CDC42SE2: variants seen among roughly 807,000 people sequenced by gnomAD.
CDC42SE2 encodes the protein CDC42 small effector 2, also known as CDC42 small effector protein 2.
CDC42SE2 carries 3 observed loss-of-function variants against 11.5 expected under a neutral mutation model. The ratio of observed to expected loss-of-function variants is 0.26; its 90% CI spans 0.12 to 0.67. The LOEUF is 0.67. Ranked by LOEUF, CDC42SE2 falls within the 30% of genes least tolerant of loss-of-function variation. The pLI, the probability that CDC42SE2 is intolerant of heterozygous loss-of-function variation, is 0.80. For synonymous variants in CDC42SE2, 33 were observed against 34.8 expected, an observed-to-expected ratio of 0.95 and a Z score of 0.18; for missense variants, 82 against 106.8, an observed-to-expected ratio of 0.77 and a Z score of 1.02.
rs187946833 is a variant in CDC42SE2, at chr5:131,297,618, G to T, written c.-454-18358G>T. 5.7e-3 allele frequency among the ~76,000 whole-genome samples: 874 copies of T among 152,160 alleles called. 8 individuals carry two copies. Among genetic ancestry groups the T allele is most frequent in the African/African-American group, 0.02 (848 of 41,518 alleles). On this transcript the variant is annotated intron_variant, in intron 1 of 4. Transcript: ENST00000505065. Reference sequence around the variant, plus strand: ...GCCTGTAGTCCCAGCTACTTGGGAGGCTGAGGCAGGAGAATGGCGTGAACC... The same window carrying T: ...GCCTGTAGTCCCAGCTACTTGGGAGTCTGAGGCAGGAGAATGGCGTGAACC...
intron 2 of CDC42SE2, among the ~76,000 whole-genome samples, chr5:131,332,265 G>A (rs548732785): frequency 6.6e-6 from 1 of 152,128 alleles, no homozygotes; most frequent in Admixed American, 6.6e-5. Flanking sequence ...ATGGTTTCCA[G>A]CTTCATCCAT....
the CDC42SE2 span, among the ~76,000 whole-genome samples, chr5:131,220,309 G>T: frequency 1.3e-5 from 2 of 152,122 alleles, no homozygotes. Flanking sequence ...CGGTTCAAGC[G>T]ATTCTCCTGC....
At chr5:131,373,347 C>T (rs1445758958) in intron 3 of CDC42SE2, among the ~76,000 whole-genome samples, 1 of 152,152 alleles carries the variant, frequency 6.6e-6, no homozygotes, top group African/African-American at 2.4e-5. Flanking sequence ...GAGTGAGCCA[C>T]TGCCTAACTG....
chr5:131,325,397 A>G (rs1486384874), intron 2 of CDC42SE2, among the ~76,000 whole-genome samples: 1 of 151,770 alleles, frequency 6.6e-6, no homozygotes, highest in Non-Finnish European at 1.5e-5. Flanking sequence ...AACTTGGAAT[A>G]TTTTAAAAGC....
At position 131,272,185 on chromosome 5, in the gene CDC42SE2, A is replaced by AT. The variant is rs577703950; in HGVS notation, c.-455+8028dup. ...ATCACCATGCCCGGCTGATTTTTGT[A>AT]TTTTTTTTTAATAGAGACAGGGTTT... On this transcript the variant is annotated intron_variant, in intron 1 of 4. Transcript: ENST00000505065. Among the ~76,000 whole-genome samples the AT allele has an allele frequency of 1.9e-3, 285 of 150,110 alleles. 2 individuals are homozygous for AT. The highest frequency in any genetic ancestry group is 2.9e-3 in the Non-Finnish European group (198 of 67,462).
At chr5:131,251,422 C>T (rs1292855064) in intron 1 of CDC42SE2, among the ~76,000 whole-genome samples, 2 of 152,098 alleles carry the variant, frequency 1.3e-5, no homozygotes, top group Non-Finnish European at 2.9e-5. Context: ...TGTCAAACAG[C>T]CAAAATGTTA....
At chr5:131,358,260 T>C (rs949499466) in intron 2 of CDC42SE2, among the ~76,000 whole-genome samples, 3 of 152,144 alleles carry the variant, frequency 2.0e-5, no homozygotes, top group African/African-American at 7.2e-5. Flanking sequence ...ATAAACCCAC[T>C]TCATCATAAC....
chr5:131,277,477 T>C (rs1338540945), intron 1 of CDC42SE2, among the ~76,000 whole-genome samples: 1 of 152,254 alleles, frequency 6.6e-6, no homozygotes, highest in Non-Finnish European at 1.5e-5. Flanking sequence ...ATCAAACTAC[T>C]ATGTGAAGTT....
At chr5:131,374,311 A>C (rs1239969205) in intron 3 of CDC42SE2, among the ~76,000 whole-genome samples, 1 of 152,132 alleles carries the variant, frequency 6.6e-6, no homozygotes, top group Non-Finnish European at 1.5e-5. Flanking sequence ...TTGGGAGGCC[A>C]AGGCAGGTGG....
At chr5:131,215,485 C>T in the CDC42SE2 span, among the ~76,000 whole-genome samples, 1 of 152,006 alleles carries the variant, frequency 6.6e-6, no homozygotes, top group Non-Finnish European at 1.5e-5. Flanking sequence ...TCACCCCTTA[C>T]CTCTGCTCTT....
chr5:131,348,950 A>G (rs1758927262), intron 2 of CDC42SE2, among the ~76,000 whole-genome samples: 1 of 152,184 alleles, frequency 6.6e-6, no homozygotes, highest in Non-Finnish European at 1.5e-5. Flanking sequence ...TAGAAAGCTG[A>G]AACTGGATCC....
chr5:131,354,837 A>C (rs887132444), intron 2 of CDC42SE2: 1 of 152,222 alleles, frequency 6.6e-6, no homozygotes, highest in Non-Finnish European at 1.5e-5. Context: ...AAAAAAATTT[A>C]AAATTTAAAT....
At chr5:131,323,395 A>T (rs1758233893) in intron 2 of CDC42SE2, among the ~76,000 whole-genome samples, 1 of 151,912 alleles carries the variant, frequency 6.6e-6, no homozygotes. Context: ...TGAAGTTATG[A>T]AGTACATTTA....
chr5:131,229,792 C>T, the CDC42SE2 span, among the ~76,000 whole-genome samples: 7 of 151,988 alleles, frequency 4.6e-5, no homozygotes, highest in Admixed American at 1.3e-4. Flanking sequence ...AAATTAGCCA[C>T]GCATGGTGGC....
At chr5:131,227,700 G>A in the CDC42SE2 span, among the ~76,000 whole-genome samples, 1 of 152,116 alleles carries the variant, frequency 6.6e-6, no homozygotes, top group Middle Eastern at 3.2e-3. Flanking sequence ...ATATGGGATA[G>A]TTCAATAACT....
chr5:131,305,258 T>G (rs543351562), intron 1 of CDC42SE2, among the ~76,000 whole-genome samples: 2 of 152,244 alleles, frequency 1.3e-5, no homozygotes, highest in Non-Finnish European at 2.9e-5. Context: ...ATGAATTGTT[T>G]CCAGTTTTTG....
intron 2 of CDC42SE2, among the ~76,000 whole-genome samples, chr5:131,358,619 T>A (rs1420203676): frequency 6.6e-6 from 1 of 152,168 alleles, no homozygotes; most frequent in Non-Finnish European, 1.5e-5. Context: ...TGCGTTCTAG[T>A]AATGATGGTA....
rs781080908 is a variant in CDC42SE2, at chr5:131,385,614, A to G, written c.126A>G (p.Gly42=). 3.1e-5 allele frequency: 50 copies of G among 1,613,272 alleles called. No individual in the cohort carries two copies. The highest frequency in any genetic ancestry group is 4.0e-5 in the Non-Finnish European group (47 of 1,179,366). ...PTNFVHTAHV[G]SGDLFSGMNS... ...ACTTTGTGCATACAGCTCATGTTGG[A>G]TCAGGAGACCTGTTCAGTGGAATGA... The change falls in exon 4 of 5, where the codon GGA becomes GGG. Residue 42 remains glycine, a synonymous_variant. Coordinates refer to ENST00000505065, the MANE Select transcript of CDC42SE2 (RefSeq NM_001375635.1).
At chr5:131,283,498 CTT>C (rs919195912) in intron 1 of CDC42SE2, among the ~76,000 whole-genome samples, 4 of 145,178 alleles carry the variant, frequency 2.8e-5, no homozygotes, top group African/African-American at 5.0e-5. Context: ...ACATCATTCT[CTT>C]TTTTTTTTTT....
Sources: gnomAD v4.1 joint callset for allele counts (sites outside exome capture counted in the v4.1 genomes callset) on GRCh38, gnomAD v4.1.1 for gene constraint, MANE v1.5 for transcripts, NCBI Gene and HGNC (gene_info 2026-07-23, HGNC 2026-07-21) for gene names.